SHANK2: variants seen among roughly 807,000 people sequenced by gnomAD.
SHANK2 encodes the protein SH3 and multiple ankyrin repeat domains protein 2.
SHANK2 carries 43 observed loss-of-function variants against 133.7 expected under a neutral mutation model. The observed-to-expected ratio is 0.32, with a 90% CI of 0.25 to 0.41. The LOEUF is 0.41. Among genes scored for constraint, SHANK2 ranks in the 10% least tolerant of loss-of-function variants. The pLI is 1.00. For synonymous variants in SHANK2, 1,017 were observed against 952.8 expected, an observed-to-expected ratio of 1.07 and a Z score of -1.24; for missense variants, 1,994 against 2,235.8, an observed-to-expected ratio of 0.89 and a Z score of 2.18.
intron 3 of SHANK2, among the ~76,000 whole-genome samples, chr11:71,140,880 C>T (rs1457282176): frequency 2.6e-5 from 4 of 152,226 alleles, no homozygotes; most frequent in Non-Finnish European, 5.9e-5. Flanking sequence ...GGGAATTCAA[C>T]TTGCAGGTGC....
intron 10 of SHANK2, among the ~76,000 whole-genome samples, chr11:70,949,721 C>A (rs1367584420): frequency 2.6e-5 from 4 of 152,216 alleles, no homozygotes; most frequent in African/African-American, 9.6e-5. Flanking sequence ...CTGGCCCATG[C>A]TGCAGGCCTC....
chr11:70,880,110 T>C (rs1416853059), intron 11 of SHANK2, among the ~76,000 whole-genome samples: 1 of 152,180 alleles, frequency 6.6e-6, no homozygotes, highest in Non-Finnish European at 1.5e-5. Flanking sequence ...TTGGGATAGT[T>C]AGCCCAGGCA....
At chr11:70,492,606 TGTG>T in intron 21 of SHANK2, 141 bp from the exon 22 acceptor site, 1 of 1,119,426 alleles carries the variant, frequency 8.9e-7, no homozygotes, top group Non-Finnish European at 1.3e-6. Flanking sequence ...GGAGCATGCG[TGTG>T]CCTCTGCCAC....
At position 70,486,104 on chromosome 11, in the gene SHANK2, C is replaced by T. The variant is rs1009105043; in HGVS notation, c.4189G>A (p.Ala1397Thr). The change falls in exon 25 of 26, where the codon GCA becomes ACA. Residue 1397 changes from alanine to threonine, a missense_variant. Ala to Thr is a moderately conservative substitution (Grantham distance 58). Around this residue, in one of 5 missense-constraint regions of SHANK2, gnomAD observed 797 missense variants for 907.4 expected, o/e 0.88. Coordinates refer to ENST00000601538, the MANE Select transcript of SHANK2 (RefSeq NM_012309.5). The surrounding 1 kb of genome is among the most constrained non-coding windows in gnomAD (Gnocchi z 8.0). ...LPFRIPPPPLASVDLDEDFIF... is the reference protein window; with the variant it reads ...LPFRIPPPPLTSVDLDEDFIF... ...AAATCCTCATCCAAGTCCACGGATG[C>T]CAGAGGGGGAGGAGGGATGCGGAAT... 2 of 1,614,036 alleles carry T rather than the reference C, an allele frequency of 1.2e-6. No homozygotes were observed. Among genetic ancestry groups the T allele is most frequent in the South Asian group, 1.1e-5 (1 of 91,076 alleles).
intron 8 of SHANK2, among the ~76,000 whole-genome samples, chr11:71,078,503 T>G (rs1451654845): frequency 6.6e-6 from 1 of 152,204 alleles, no homozygotes; most frequent in Admixed American, 6.5e-5. Flanking sequence ...AACAGATTTT[T>G]GCATAGCCTC....
At chr11:71,148,090 T>G (rs1264699054) in intron 2 of SHANK2, among the ~76,000 whole-genome samples, 1 of 149,390 alleles carries the variant, frequency 6.7e-6, no homozygotes. Context: ...TCTTGTTTTT[T>G]TTTTTTTTTT....
At chr11:71,131,103 C>T (rs1223570950) in intron 3 of SHANK2, among the ~76,000 whole-genome samples, 8 of 152,238 alleles carry the variant, frequency 5.3e-5, no homozygotes, top group African/African-American at 1.9e-4. Context: ...TAGCTGTTCA[C>T]GTGCAATCCG....
chr11:70,875,363 T>C (rs1216692135), intron 11 of SHANK2, among the ~76,000 whole-genome samples: 1 of 148,474 alleles, frequency 6.7e-6, no homozygotes, highest in Non-Finnish European at 1.5e-5. Flanking sequence ...CTACTAAAAA[T>C]ACAAAAAAAA....
In SHANK2 at chr11:70,675,230, T is replaced by G. The variant is rs192548662; in HGVS notation, c.1854-13552A>C. Among the ~76,000 whole-genome samples, 65 of 152,366 alleles carry G rather than the reference T, an allele frequency of 4.3e-4. No individual in the cohort carries two copies. The East Asian group carries it at 9.8e-3, about 23-fold the overall frequency. On this transcript the variant is annotated intron_variant, in intron 15 of 25. Transcript: ENST00000601538. The stretch of plus-strand genomic sequence containing the variant: ...GTGGGGATAGACCTGAATTCTGGCT[T>G]AATGAGTAATAATTCATAATTAGAG...
At chr11:71,086,550 TATA>T (rs1390598908) in intron 8 of SHANK2, among the ~76,000 whole-genome samples, 3 of 142,544 alleles carry the variant, frequency 2.1e-5, no homozygotes, top group African/African-American at 7.7e-5. Flanking sequence ...ATATATTATA[TATA>T]ATAATATATA....
chr11:70,805,922 T>G (rs561531372), intron 13 of SHANK2, among the ~76,000 whole-genome samples: 1 of 152,306 alleles, frequency 6.6e-6, no homozygotes, highest in East Asian at 1.9e-4. Flanking sequence ...TCCAGGGACT[T>G]GTTTGATGCT....
intron 3 of SHANK2, among the ~76,000 whole-genome samples, chr11:71,125,654 G>A (rs113619568): frequency 0.012 from 1,852 of 152,312 alleles, 29 homozygotes; most frequent in African/African-American, 0.042. Flanking sequence ...AAGTGCTGAT[G>A]GAGAAGCTGC....
intron 17 of SHANK2, among the ~76,000 whole-genome samples, chr11:70,602,128 T>G (rs2060506170): frequency 6.6e-6 from 1 of 152,224 alleles, no homozygotes; most frequent in African/African-American, 2.4e-5. Context: ...CCTTGCTTGC[T>G]TTCGCTCTTG....
At chr11:70,880,747 C>T (rs546999787) in intron 11 of SHANK2, among the ~76,000 whole-genome samples, 59 of 152,342 alleles carry the variant, frequency 3.9e-4, no homozygotes, top group Non-Finnish European at 7.2e-4. Flanking sequence ...GCCCCACTGA[C>T]GCATAGATTT....
chr11:70,891,929 G>A (rs1447914851), intron 11 of SHANK2, among the ~76,000 whole-genome samples: 3 of 152,234 alleles, frequency 2.0e-5, no homozygotes, highest in African/African-American at 7.2e-5. Flanking sequence ...TCTAGGCTTT[G>A]CAGAGAAAAC....
intron 11 of SHANK2, among the ~76,000 whole-genome samples, chr11:70,851,473 C>T (rs1041293401): frequency 6.6e-6 from 1 of 152,284 alleles, no homozygotes; most frequent in South Asian, 2.1e-4. Context: ...GGGAATAATG[C>T]CTTTCTCCTG....
At chr11:70,547,004 AC>A (rs1554976543) in intron 17 of SHANK2, among the ~76,000 whole-genome samples, 1 of 150,818 alleles carries the variant, frequency 6.6e-6, no homozygotes, top group African/African-American at 2.4e-5. Flanking sequence ...CTCACCTCCC[AC>A]CCCCACCTGG....
chr11:70,950,492 A>C (rs1950817363), intron 10 of SHANK2, among the ~76,000 whole-genome samples: 1 of 152,138 alleles, frequency 6.6e-6, no homozygotes, highest in African/African-American at 2.4e-5. Context: ...CACCAGGTCC[A>C]CCTCCAGCCT....
At chr11:70,825,913 A>G (rs565262328) in intron 11 of SHANK2, among the ~76,000 whole-genome samples, 11 of 152,296 alleles carry the variant, frequency 7.2e-5, no homozygotes, top group African/African-American at 2.2e-4. Context: ...ACATGCATTT[A>G]TTTATACATT....
Sources: gnomAD v4.1 joint callset for allele counts (sites outside exome capture counted in the v4.1 genomes callset) on GRCh38, gnomAD v4.1.1 for gene constraint, gnomAD v4.1.1 regional missense constraint, Gnocchi (gnomAD v3.1) non-coding constraint, MANE v1.5 for transcripts, NCBI Gene and HGNC (gene_info 2026-07-23, HGNC 2026-07-21) for gene names.